The following CCDC88C variants were observed in gnomAD, a reference collection of about 807,000 sequenced individuals.
CCDC88C encodes the protein protein Daple.
A neutral mutation model predicts 198.8 loss-of-function variants in CCDC88C; 131 were observed. The observed-to-expected ratio is 0.66, with a 90% CI of 0.57 to 0.76. The LOEUF (loss-of-function observed/expected upper bound fraction) is 0.76. Ranked by LOEUF, CCDC88C falls within the 30% of genes least tolerant of loss-of-function variation. The pLI is 0.00. For missense variants in CCDC88C, 2,553 were observed against 2,631.6 expected, an observed-to-expected ratio of 0.97 and a Z score of 0.65; for synonymous variants, 1,166 against 1,114.7, an observed-to-expected ratio of 1.05 and a Z score of -0.92.
At position 91,417,695 on chromosome 14, in the gene CCDC88C, A is replaced by T; in HGVS notation, c.-5T>A. On this transcript the variant is annotated 5_prime_UTR_variant, in exon 1 of 30. Coordinates refer to ENST00000389857, the MANE Select transcript of CCDC88C (RefSeq NM_001080414.4). ...CTCCGAGACTGTCACGTCCATGCTG[A>T]GGCTGCGCCCGCCGGCTCCGCGCCC... 2 of 1,524,586 alleles carry T rather than the reference A, an allele frequency of 1.3e-6. No homozygotes were observed. Among genetic ancestry groups the T allele is most frequent in the Non-Finnish European group, 1.8e-6 (2 of 1,139,308 alleles). The allele number at this position is 1,524,586 out of a possible 1,614,324, so 94.4% of individuals were successfully genotyped here.
chr14:91,372,655 T>C (rs921740738), intron 3 of CCDC88C, among the ~76,000 whole-genome samples: 6 of 151,772 alleles, frequency 4.0e-5, no homozygotes, highest in African/African-American at 1.5e-4. Flanking sequence ...GAAGGACAAC[T>C]GAGAACCAGA....
chr14:91,297,514 G>C, intron 21 of CCDC88C, 23 bp from the exon 22 acceptor site: 1 of 1,550,780 alleles, frequency 6.4e-7, no homozygotes, highest in Non-Finnish European at 8.7e-7. Flanking sequence ...GAGTCACAGG[G>C]CAAAGGAGCT....
rs1172325736 is a variant in CCDC88C, at chr14:91,371,429, G to T, written c.271-11718C>A. Among the ~76,000 whole-genome samples, 1 of 152,062 alleles carries T rather than the reference G, an allele frequency of 6.6e-6. No homozygotes were observed. Among genetic ancestry groups the T allele is most frequent in the Non-Finnish European group, 1.5e-5 (1 of 67,994 alleles). ...GCCAGAATGAGTGTAGTGGTCCCAT[G>T]GGAGGAGCCATGTGCTGTCCAGGCC... On this transcript the variant is annotated intron_variant, in intron 3 of 29. Transcript: ENST00000389857. The surrounding 1 kb of genome is among the most constrained non-coding windows in gnomAD (Gnocchi z 4.2).
At chr14:91,413,316 A>T (rs1348734816) in intron 2 of CCDC88C, among the ~76,000 whole-genome samples, 1 of 152,162 alleles carries the variant, frequency 6.6e-6, no homozygotes, top group African/African-American at 2.4e-5. Flanking sequence ...ATCTCCCCCA[A>T]ATTGGTAAAA....
chr14:91,301,554 A>G (rs1891284420), intron 20 of CCDC88C, among the ~76,000 whole-genome samples: 1 of 152,076 alleles, frequency 6.6e-6, no homozygotes, highest in African/African-American at 2.4e-5. Flanking sequence ...CATCTCTACT[A>G]AAAAATACAA....
At chr14:91,392,304 C>T (rs1885554505) in intron 3 of CCDC88C, among the ~76,000 whole-genome samples, 1 of 152,104 alleles carries the variant, frequency 6.6e-6, no homozygotes, top group South Asian at 2.1e-4. Context: ...CAAAACAAAA[C>T]AAAAGCAACA....
intron 12 of CCDC88C, among the ~76,000 whole-genome samples, chr14:91,323,153 G>A (rs546966866): frequency 3.9e-5 from 6 of 152,026 alleles, no homozygotes; most frequent in East Asian, 3.9e-4. Flanking sequence ...TGATCTGCCC[G>A]CCTTAATCTC....
chr14:91,398,527 C>T (rs1049397430), intron 3 of CCDC88C, among the ~76,000 whole-genome samples: 4 of 151,976 alleles, frequency 2.6e-5, no homozygotes, highest in African/African-American at 4.8e-5. Flanking sequence ...CATGGTGGTG[C>T]ACACCTGTAG....
At chr14:91,336,303 T>C (rs2139852888) in intron 10 of CCDC88C, among the ~76,000 whole-genome samples, 1 of 152,284 alleles carries the variant, frequency 6.6e-6, no homozygotes, top group South Asian at 2.1e-4. Flanking sequence ...GACGCGTCTA[T>C]GTGACTGAGC....
At position 91,404,622 on chromosome 14, in the gene CCDC88C, A is replaced by C. The variant is rs536193890; in HGVS notation, c.270+4037T>G. ...CCACCACTCTCACCCACTGATTCTCAATCCTGTTGGAATGGTGAGACTCAA... is the reference window on the plus strand; with the variant it reads ...CCACCACTCTCACCCACTGATTCTCCATCCTGTTGGAATGGTGAGACTCAA... On this transcript the variant is annotated intron_variant, in intron 3 of 29. Coordinates refer to ENST00000389857, the MANE Select transcript of CCDC88C (RefSeq NM_001080414.4). Among the ~76,000 whole-genome samples, 3 of 152,230 alleles carry C rather than the reference A, an allele frequency of 2.0e-5. No individual in the cohort carries two copies. In the South Asian group the frequency reaches 6.2e-4, roughly 32 times the overall value.
intron 10 of CCDC88C, among the ~76,000 whole-genome samples, chr14:91,334,014 C>T (rs750324062): frequency 3.9e-5 from 6 of 152,184 alleles, no homozygotes; most frequent in African/African-American, 1.4e-4. Flanking sequence ...AACATTTTAT[C>T]GTAAAAAATA....
At chr14:91,276,253 C>A (rs1403363918) in intron 29 of CCDC88C, among the ~76,000 whole-genome samples, 1 of 152,258 alleles carries the variant, frequency 6.6e-6, no homozygotes, top group Non-Finnish European at 1.5e-5. Flanking sequence ...GTTCTGTGGT[C>A]TGGCAAGGCC....
chr14:91,405,896 C>T (rs191449805), intron 3 of CCDC88C, among the ~76,000 whole-genome samples: 1 of 152,362 alleles, frequency 6.6e-6, no homozygotes, highest in African/African-American at 2.4e-5. Context: ...TGACCACTCC[C>T]TGGTCAGCAG....
intron 20 of CCDC88C, among the ~76,000 whole-genome samples, chr14:91,301,019 G>A (rs1891254820): frequency 6.6e-6 from 1 of 152,120 alleles, no homozygotes; most frequent in African/African-American, 2.4e-5. Flanking sequence ...TTTCTCTTCA[G>A]GACTCCACTG....
chr14:91,357,423 T>G (rs1894086431), intron 4 of CCDC88C, among the ~76,000 whole-genome samples: 1 of 152,346 alleles, frequency 6.6e-6, no homozygotes, highest in African/African-American at 2.4e-5. Flanking sequence ...CGGCTAACTT[T>G]TTTATTTTTT....
intron 3 of CCDC88C, among the ~76,000 whole-genome samples, chr14:91,397,896 C>G (rs1402131911): frequency 6.6e-6 from 1 of 152,228 alleles, no homozygotes; most frequent in African/African-American, 2.4e-5. Context: ...TTCTAGAAAG[C>G]CTGGCTTTTA....
chr14:91,416,812 G>T lies in CCDC88C; in HGVS notation c.87C>A (p.Ser29Arg). Residue 29 changes from serine to arginine, a missense_variant, in exon 2 of 30, where the codon AGC (serine) becomes AGA (arginine). Around this residue, in one of 2 missense-constraint regions of CCDC88C, gnomAD observed 1,260 missense variants for 1,412.0 expected, o/e 0.89. Coordinates refer to ENST00000389857, the MANE Select transcript of CCDC88C (RefSeq NM_001080414.4). The stretch of plus-strand genomic sequence containing the variant: ...ACATAGTCAGGTTGTCCTGGCTGCC[G>T]CTTCCAAACGGGCCAAAAGTTTTCA... Reference protein sequence around the residue: ...TWVKTFGPFGSGSQDNLTMYM... With the variant: ...TWVKTFGPFGRGSQDNLTMYM... 3 of 1,613,364 alleles carry T rather than the reference G, an allele frequency of 1.9e-6. No homozygotes were observed. In the South Asian group the frequency reaches 3.3e-5, roughly 18 times the overall value.
chr14:91,313,022 C>A lies in CCDC88C; in HGVS notation c.2736+58G>T, dbSNP rs866831511. 64 of 1,341,830 alleles carry A rather than the reference C, an allele frequency of 4.8e-5. No homozygotes were observed. The Middle Eastern group carries it at 7.5e-4, about 16-fold the overall frequency. 83.1% of individuals were successfully genotyped at this position (1,341,830 alleles called of 1,614,324 possible). A position where few individuals can be genotyped will look rare whatever the true frequency, so the allele number is the denominator to read the frequency against. On this transcript the variant is annotated intron_variant, in intron 15 of 29. Transcript: ENST00000389857. This position sits in a 1 kb window ranked among gnomAD's most constrained non-coding sequence, Gnocchi z 5.2. ...ATTTCTCTCCTGAAACCATGCACCACAGAACCCACTACCACCATCTGCCAA... is the reference window on the plus strand; with the variant it reads ...ATTTCTCTCCTGAAACCATGCACCAAAGAACCCACTACCACCATCTGCCAA...
At position 91,417,699 on chromosome 14, in the gene CCDC88C, TG is replaced by T. The variant is rs1234375777; in HGVS notation, c.-10del. On this transcript the variant is annotated 5_prime_UTR_variant, in exon 1 of 30. Coordinates refer to ENST00000389857, the MANE Select transcript of CCDC88C (RefSeq NM_001080414.4). ...GAGACTGTCACGTCCATGCTGAGGC[TG>T]CGCCCGCCGGCTCCGCGCCCCCCGC... 6.6e-7 allele frequency: 1 copy of T among 1,505,266 alleles called. No individual in the cohort carries two copies. 93.2% of individuals were successfully genotyped at this position (1,505,266 alleles called of 1,614,324 possible).
Sources: gnomAD v4.1 joint callset for allele counts (sites outside exome capture counted in the v4.1 genomes callset) on GRCh38, gnomAD v4.1.1 for gene constraint, gnomAD v4.1.1 regional missense constraint, Gnocchi (gnomAD v3.1) non-coding constraint, MANE v1.5 for transcripts, NCBI Gene and HGNC (gene_info 2026-07-23, HGNC 2026-07-21) for gene names.